SHISA6: variants seen among roughly 807,000 people sequenced by gnomAD.
The protein encoded by SHISA6 is protein shisa-6.
Under a neutral mutation model 47.9 loss-of-function variants are expected in SHISA6, and 22 were observed. That is an observed-to-expected ratio of 0.46 (90% confidence interval 0.33 to 0.66). SHISA6 has a LOEUF of 0.66. SHISA6 is among the 30% of genes least tolerant of loss of function. The probability of loss-of-function intolerance (pLI) is 0.02; values close to 1 mark genes in which losing one functional copy is unlikely to be tolerated. For missense variants in SHISA6, 680 were observed against 764.6 expected (o/e 0.89, Z 1.30); for synonymous variants, 388 against 337.8 (o/e 1.15, Z -1.63).
rs1420857320 is a variant in SHISA6, at chr17:11,277,268, TCTCTCTCTCTCTCACACA to T, written c.799+13744_799+13761del. Among the ~76,000 whole-genome samples the T allele has an allele frequency of 1.8e-4, 20 of 110,920 alleles. No individual in the cohort carries two copies. The East Asian group carries it at 2.4e-3, about 13-fold the overall frequency. 72.8% of individuals were successfully genotyped at this position (110,920 alleles called of 152,430 possible). On this transcript the variant is annotated intron_variant, in intron 2 of 5. Transcript: ENST00000441885. ...CTCTCTCTCTCTCTCTCTCTCTCTC[TCTCTCTCTCTCTCACACA>T]CACACACACACACACACACACACAC...
At chr17:11,294,037 C>A (rs1202305768) in intron 2 of SHISA6, among the ~76,000 whole-genome samples, 1 of 152,104 alleles carries the variant, frequency 6.6e-6, no homozygotes, top group African/African-American at 2.4e-5. Context: ...AGGTGCGCAC[C>A]ACCATGCCCG....
At chr17:11,533,686 G>A (rs371842865) in intron 3 of SHISA6, among the ~76,000 whole-genome samples, 6 of 135,694 alleles carry the variant, frequency 4.4e-5, no homozygotes, top group South Asian at 5.0e-4. Flanking sequence ...TCTGCCTCCC[G>A]GGTTCACGCC....
rs75100400 is a variant in SHISA6 at position 11,300,767 on chromosome 17, C to T, written c.799+37241C>T. 2.5e-3 allele frequency among the ~76,000 whole-genome samples: 375 copies of T among 151,766 alleles called. 4 individuals are homozygous for T. The highest frequency in any genetic ancestry group is 8.7e-3 in the African/African-American group (358 of 41,362). On this transcript the variant is annotated intron_variant, in intron 2 of 5. Transcript: ENST00000441885. ...AAACAGGCTTCTTATTTCAATTCCC[C>T]GGCATACTGGCCAGGAACCTGGCTC...
chr17:11,507,576 CT>C (rs1186412763), intron 3 of SHISA6, among the ~76,000 whole-genome samples: 2 of 152,180 alleles, frequency 1.3e-5, no homozygotes, highest in African/African-American at 4.8e-5. Flanking sequence ...GTATTCCCCC[CT>C]TTCCTCTTTC....
intron 3 of SHISA6, among the ~76,000 whole-genome samples, chr17:11,428,297 G>A (rs1299631776): frequency 6.6e-6 from 1 of 152,228 alleles, no homozygotes; most frequent in African/African-American, 2.4e-5. Context: ...AAATGGAGAT[G>A]AGAAATGTGG....
intron 2 of SHISA6, among the ~76,000 whole-genome samples, chr17:11,284,815 A>T (rs923579000): frequency 3.9e-5 from 6 of 152,206 alleles, no homozygotes; most frequent in African/African-American, 1.4e-4. Flanking sequence ...CATGAGATAC[A>T]GTTCTTATGG....
At chr17:11,268,864 A>T (rs1041090354) in intron 2 of SHISA6, among the ~76,000 whole-genome samples, 1 of 152,138 alleles carries the variant, frequency 6.6e-6, no homozygotes, top group East Asian at 1.9e-4. Context: ...CCAAGCACAG[A>T]TGCTGGTTAT....
chr17:11,274,994 A>G (rs2142156058), intron 2 of SHISA6, among the ~76,000 whole-genome samples: 1 of 152,288 alleles, frequency 6.6e-6, no homozygotes, highest in African/African-American at 2.4e-5. Context: ...ATAAGGGACT[A>G]AAGGTTTGCA....
intron 3 of SHISA6, among the ~76,000 whole-genome samples, chr17:11,504,007 C>A (rs529536387): frequency 6.6e-6 from 1 of 152,102 alleles, no homozygotes; most frequent in African/African-American, 2.4e-5. Context: ...TGCCTTCTGG[C>A]GATTTTTAAA....
chr17:11,444,876 C>T (rs1567607642), intron 3 of SHISA6, among the ~76,000 whole-genome samples: 1 of 152,182 alleles, frequency 6.6e-6, no homozygotes, highest in Non-Finnish European at 1.5e-5. Context: ...CAGTTGTATA[C>T]ATCTGGCTAT....
At chr17:11,513,809 G>A (rs117874175) in intron 3 of SHISA6, among the ~76,000 whole-genome samples, 21 of 152,232 alleles carry the variant, frequency 1.4e-4, no homozygotes, top group Non-Finnish European at 2.6e-4. Context: ...CTAACTCACC[G>A]TGAACAAACT....
intron 1 of SHISA6, among the ~76,000 whole-genome samples, chr17:11,257,374 C>T (rs1908052501): frequency 6.6e-6 from 1 of 152,066 alleles, no homozygotes; most frequent in South Asian, 2.1e-4. Context: ...CAAGTAAAAG[C>T]ACAGGGGCGG....
intron 1 of SHISA6, among the ~76,000 whole-genome samples, chr17:11,255,020 CA>C (rs1261971106): frequency 6.6e-6 from 1 of 152,226 alleles, no homozygotes; most frequent in Non-Finnish European, 1.5e-5. Context: ...CTTTGGTCTG[CA>C]GCCCTACACA....
At chr17:11,497,035 G>A (rs919185435) in intron 3 of SHISA6, among the ~76,000 whole-genome samples, 1 of 152,236 alleles carries the variant, frequency 6.6e-6, no homozygotes, top group Non-Finnish European at 1.5e-5. Flanking sequence ...CCTCCCATAA[G>A]TTTGGACACT....
intron 3 of SHISA6, among the ~76,000 whole-genome samples, chr17:11,391,696 G>A (rs1913391763): frequency 6.6e-6 from 1 of 152,182 alleles, no homozygotes; most frequent in Admixed American, 6.5e-5. Flanking sequence ...CCCAATCATG[G>A]ATAGTTTCAC....
At chr17:11,302,502 A>G (rs1909964084) in intron 2 of SHISA6, among the ~76,000 whole-genome samples, 1 of 152,138 alleles carries the variant, frequency 6.6e-6, no homozygotes, top group African/African-American at 2.4e-5. Context: ...CCTGTATTTT[A>G]TTGCAATAAG....
chr17:11,334,385 G>C (rs1441062626), intron 2 of SHISA6, among the ~76,000 whole-genome samples: 1 of 152,152 alleles, frequency 6.6e-6, no homozygotes, highest in Non-Finnish European at 1.5e-5. Flanking sequence ...AGCTTTTTGA[G>C]AGTGCTTGAG....
chr17:11,537,923 A>C (rs1000036531), intron 3 of SHISA6, among the ~76,000 whole-genome samples: 8 of 152,246 alleles, frequency 5.3e-5, no homozygotes, highest in Non-Finnish European at 1.0e-4. Flanking sequence ...GACAGAGAAG[A>C]AGCAATATAT....
chr17:11,280,605 A>G (rs915254998), intron 2 of SHISA6, among the ~76,000 whole-genome samples: 23 of 152,238 alleles, frequency 1.5e-4, no homozygotes, highest in African/African-American at 5.3e-4. Context: ...CAGAGGTTCA[A>G]ATGTTCAAGA....
Sources: allele counts gnomAD v4.1 joint callset (sites outside exome capture counted in the v4.1 genomes callset), GRCh38; gene constraint gnomAD v4.1.1; transcripts MANE v1.5; gene names NCBI Gene and HGNC (gene_info 2026-07-23, HGNC 2026-07-21).